CA10: variants seen among roughly 807,000 people sequenced by gnomAD.
CA10 encodes carbonic anhydrase-related protein 10.
A neutral mutation model predicts 44.2 loss-of-function variants in CA10; 14 were observed. That is an observed-to-expected ratio of 0.32 (90% CI 0.21 to 0.50). The LOEUF is 0.50. CA10 is among the 20% of genes least tolerant of loss of function. The pLI is 0.99. For missense variants in CA10, 350 were observed against 409.7 expected, an observed-to-expected ratio of 0.85 and a Z score of 1.26; for synonymous variants, 159 against 141.6, an observed-to-expected ratio of 1.12 and a Z score of -0.87.
chr17:51,779,345 A>G (rs1905954547), intron 3 of CA10, among the ~76,000 whole-genome samples: 1 of 152,176 alleles, frequency 6.6e-6, no homozygotes, highest in South Asian at 2.1e-4. Context: ...TCTTCCCCCT[A>G]GAATGACTCA....
At chr17:52,065,253 T>C (rs761653487) in intron 2 of CA10, among the ~76,000 whole-genome samples, 3 of 152,244 alleles carry the variant, frequency 2.0e-5, no homozygotes, top group Non-Finnish European at 2.9e-5. Context: ...CTATTTCTAC[T>C]AGGCTTTTTA....
In CA10 at chr17:52,158,001, GC is replaced by G; in HGVS notation, c.-216del. 1.7e-6 allele frequency: 1 copy of G among 600,452 alleles called. No homozygotes were observed. The highest frequency in any genetic ancestry group is 3.0e-6 in the Non-Finnish European group (1 of 333,306). 37.2% of individuals were successfully genotyped at this position (600,452 alleles called of 1,614,324 possible). ...CTCCCCTCGGGCTCGACGGATGTGC[GC>G]CCCAGATGTGCTGACACATGTCCGA... is the stretch of plus-strand genomic sequence containing the variant. On this transcript the variant is annotated 5_prime_UTR_variant, in exon 1 of 9. The change abolishes the stop of an existing upstream ORF in the 5' untranslated region. Coordinates refer to ENST00000451037, the MANE Select transcript of CA10 (RefSeq NM_020178.5).
chr17:51,930,022 A>C (rs1982588568), intron 3 of CA10, among the ~76,000 whole-genome samples: 1 of 152,184 alleles, frequency 6.6e-6, no homozygotes, highest in Admixed American at 6.6e-5. Context: ...TGACAGTTAC[A>C]TGGTACAAGA....
At chr17:51,702,446 A>G (rs1915633056) in intron 4 of CA10, among the ~76,000 whole-genome samples, 1 of 152,152 alleles carries the variant, frequency 6.6e-6, no homozygotes, top group Admixed American at 6.6e-5. Flanking sequence ...GTGACAGGTC[A>G]TTCTTATTCT....
chr17:52,153,867 G>A (rs1461513256), intron 1 of CA10, among the ~76,000 whole-genome samples: 1 of 152,142 alleles, frequency 6.6e-6, no homozygotes, highest in Non-Finnish European at 1.5e-5. Context: ...TCATTTAGTT[G>A]ATAGAACAAA....
intron 4 of CA10, among the ~76,000 whole-genome samples, chr17:51,655,506 A>G (rs1913759912): frequency 6.6e-6 from 1 of 152,224 alleles, no homozygotes; most frequent in South Asian, 2.1e-4. Context: ...AACTTTGAGA[A>G]AAAGAAACCA....
At chr17:51,972,562 A>G (rs1210362336) in intron 2 of CA10, among the ~76,000 whole-genome samples, 1 of 152,228 alleles carries the variant, frequency 6.6e-6, no homozygotes, top group Middle Eastern at 3.4e-3. Context: ...CCATCCATTA[A>G]AGGAAGTGGA....
At chr17:51,653,228 A>G (rs1353469325) in intron 5 of CA10, among the ~76,000 whole-genome samples, 1 of 152,154 alleles carries the variant, frequency 6.6e-6, no homozygotes, top group African/African-American at 2.4e-5. Context: ...TGGAGGGGAG[A>G]GACATCTCAC....
chr17:52,126,589 C>T (rs1434380477), intron 1 of CA10, among the ~76,000 whole-genome samples: 2 of 152,082 alleles, frequency 1.3e-5, no homozygotes, highest in Non-Finnish European at 2.9e-5. Flanking sequence ...GGTAATTTTC[C>T]TGTCTAAATA....
Position 51,875,066 on chromosome 17 carries a change from T to C in CA10, c.279+55924A>G, listed in dbSNP as rs141223325. Among the ~76,000 whole-genome samples the C allele has an allele frequency of 3.1e-3, 475 of 151,748 alleles. 2 individuals carry two copies. The highest frequency in any genetic ancestry group is 0.011 in the African/African-American group (463 of 41,406). ...ATGGTTCACTGCAGGCTTGACCTCC[T>C]GGGCTCAAGCCATCCTCCCACCTCA... On this transcript the variant is annotated intron_variant, in intron 3 of 8. Transcript: ENST00000451037.
At chr17:51,887,173 C>A (rs1980641334) in intron 3 of CA10, among the ~76,000 whole-genome samples, 1 of 149,410 alleles carries the variant, frequency 6.7e-6, no homozygotes, top group African/African-American at 2.5e-5. Context: ...TCTTGAAAAT[C>A]TGGAAAGGAA....
chr17:51,729,975 A>C (rs1916659539), intron 4 of CA10, among the ~76,000 whole-genome samples: 1 of 152,220 alleles, frequency 6.6e-6, no homozygotes, highest in Admixed American at 6.5e-5. Context: ...AGATGAGTAA[A>C]CTGAGGCAGG....
At chr17:52,048,053 A>AC (rs1192664771) in intron 2 of CA10, among the ~76,000 whole-genome samples, 1 of 151,698 alleles carries the variant, frequency 6.6e-6, no homozygotes, top group Non-Finnish European at 1.5e-5. Flanking sequence ...TTAAAAAAAA[A>AC]AAAAACATTT....
At chr17:51,750,668 C>T (rs562527022) in intron 3 of CA10, among the ~76,000 whole-genome samples, 31 of 152,284 alleles carry the variant, frequency 2.0e-4, no homozygotes, top group African/African-American at 7.2e-4. Context: ...GTAGATCCCA[C>T]AGAGCAGGGC....
chr17:52,126,318 C>T (rs898655023), intron 1 of CA10, among the ~76,000 whole-genome samples: 8 of 152,012 alleles, frequency 5.3e-5, no homozygotes, highest in Admixed American at 1.3e-4. Context: ...GAAGTATATG[C>T]CTTTATTGTT....
intron 2 of CA10, among the ~76,000 whole-genome samples, chr17:52,030,302 T>TA (rs1305130911): frequency 2.6e-5 from 4 of 152,162 alleles, no homozygotes; most frequent in Non-Finnish European, 5.9e-5. Flanking sequence ...TGTTGACCTT[T>TA]CTCTCTTAAC....
At chr17:52,026,413 A>G (rs1485594203) in intron 2 of CA10, among the ~76,000 whole-genome samples, 5 of 152,006 alleles carry the variant, frequency 3.3e-5, no homozygotes, top group Non-Finnish European at 5.9e-5. Context: ...TTTCTAGTTT[A>G]ATCCTCCCAG....
intron 2 of CA10, among the ~76,000 whole-genome samples, chr17:51,966,963 C>T (rs1327109131): frequency 1.3e-5 from 2 of 151,820 alleles, no homozygotes; most frequent in East Asian, 1.9e-4. Context: ...ACACATCTGA[C>T]GAAGGTCTAA....
intron 4 of CA10, among the ~76,000 whole-genome samples, chr17:51,660,936 C>T (rs956004109): frequency 6.6e-6 from 1 of 152,020 alleles, no homozygotes; most frequent in Admixed American, 6.5e-5. Flanking sequence ...TTCCCTTAAA[C>T]AGAGAAGGGA....
Sources: allele counts gnomAD v4.1 joint callset (sites outside exome capture counted in the v4.1 genomes callset), GRCh38; gene constraint gnomAD v4.1.1; transcripts MANE v1.5; gene names NCBI Gene and HGNC (gene_info 2026-07-23, HGNC 2026-07-21).